MRPL38: variants seen among roughly 807,000 people sequenced by gnomAD.
MRPL38 encodes large ribosomal subunit protein mL38.
Under a neutral mutation model 52.1 loss-of-function variants are expected in MRPL38, and 51 were observed. The observed-to-expected ratio is 0.98, with a 90% CI of 0.78 to 1.24. MRPL38 has a LOEUF of 1.24. Ranked by LOEUF, MRPL38 falls within the 50% of genes most tolerant of loss-of-function variation. The probability of loss-of-function intolerance (pLI) is 0.00; values close to 1 mark genes in which losing one functional copy is unlikely to be tolerated. For missense variants in MRPL38, 527 were observed against 518.6 expected, an observed-to-expected ratio of 1.02 and a Z score of -0.16; for synonymous variants, 245 against 212.7, an observed-to-expected ratio of 1.15 and a Z score of -1.32.
intron 2 of MRPL38, among the ~76,000 whole-genome samples, chr17:75,903,574 G>C (rs965042939): frequency 6.6e-6 from 1 of 152,174 alleles, no homozygotes; most frequent in African/African-American, 2.4e-5. Flanking sequence ...GACATTATCC[G>C]AGAGGCTGAG....
chr17:75,903,035 C>A (rs2065411962), intron 2 of MRPL38, among the ~76,000 whole-genome samples: 1 of 152,168 alleles, frequency 6.6e-6, no homozygotes, highest in African/African-American at 2.4e-5. Context: ...GTTGAGATCA[C>A]CTCCAAGCCT....
rs1485156109 is a variant in MRPL38 at position 75,901,200 on chromosome 17, C to T, written c.664+1G>A. On this transcript the variant is annotated splice_donor_variant, in intron 5 of 8. Coordinates refer to ENST00000309352, the MANE Select transcript of MRPL38 (RefSeq NM_032478.4). LOFTEE classifies it high-confidence loss of function. This position sits in a 1 kb window ranked among gnomAD's most constrained non-coding sequence, Gnocchi z 5.7. ...AGGCCTGGTGAGCCCCAGACACCCACCCAAGCTAGTGAGTAGCAACGTCCA... is the reference window on the plus strand; with the variant it reads ...AGGCCTGGTGAGCCCCAGACACCCATCCAAGCTAGTGAGTAGCAACGTCCA... The T allele has an allele frequency of 1.2e-6, 2 of 1,613,376 alleles. No homozygotes were observed. The highest frequency in any genetic ancestry group is 1.7e-6 in the Non-Finnish European group (2 of 1,179,812).
rs777191605 is a variant in MRPL38 at position 75,898,807 on chromosome 17, T to C, written c.*43A>G. ...TCTGGAGCTGTGTCTTTACTCTTGC[T>C]GCCGATCAATCCCATGCTCTGAAAT... On this transcript the variant is annotated 3_prime_UTR_variant, in exon 9 of 9. Transcript: ENST00000309352. 1 of 1,608,322 alleles carries C rather than the reference T, an allele frequency of 6.2e-7. No individual in the cohort carries two copies. The highest frequency in any genetic ancestry group is 1.1e-5 in the South Asian group (1 of 90,286).
rs2065404437 is a variant in MRPL38 at position 75,901,546 on chromosome 17, C to T, written c.591+166G>A. ...ATGTGCTAAGACAGAGCCTCTTTTT[C>T]CTTCATTTTGTTCTATTTTCTTTGA... is the stretch of plus-strand genomic sequence containing the variant. On this transcript the variant is annotated intron_variant, in intron 4 of 8. Coordinates refer to ENST00000309352, the MANE Select transcript of MRPL38 (RefSeq NM_032478.4). This position sits in a 1 kb window ranked among gnomAD's most constrained non-coding sequence, Gnocchi z 5.7. The T allele has an allele frequency of 1.9e-5, 13 of 687,576 alleles. No homozygotes were observed. The highest frequency in any genetic ancestry group is 9.1e-5 in the South Asian group (5 of 55,144). 42.6% of individuals were successfully genotyped at this position (687,576 alleles called of 1,614,324 possible).
chr17:75,902,242 T>A, intron 2 of MRPL38, 88 bp from the exon 3 acceptor site: 1 of 1,382,352 alleles, frequency 7.2e-7, no homozygotes, highest in East Asian at 2.5e-5. Context: ...TAGCTGGGGC[T>A]ACAAGTGTAC....
At chr17:75,902,672 C>T (rs2065410246) in intron 2 of MRPL38, among the ~76,000 whole-genome samples, 1 of 152,228 alleles carries the variant, frequency 6.6e-6, no homozygotes, top group Non-Finnish European at 1.5e-5. Context: ...GTGCAGTCTA[C>T]TTCCCAGACC....
intron 2 of MRPL38, 167 bp from the exon 3 acceptor site, chr17:75,902,321 A>G: frequency 1.4e-6 from 1 of 740,112 alleles, no homozygotes; most frequent in South Asian, 1.9e-5. Context: ...CCAGGCTGGT[A>G]TGAACTCTTG....
rs368094656 is a variant in MRPL38 at position 75,899,614 on chromosome 17, G to C, written c.771C>G (p.Pro257=). 1.3e-4 allele frequency: 211 copies of C among 1,603,940 alleles called. 1 individual carries two copies. The highest frequency in any genetic ancestry group is 8.3e-4 in the Middle Eastern group (5 of 6,016). Residue 257 remains proline, a synonymous_variant, in exon 7 of 9, where the codon CCC becomes CCG. Coordinates refer to ENST00000309352, the MANE Select transcript of MRPL38 (RefSeq NM_032478.4). ...GGATGCCGGAGCCTCGGGCAGGGAA[G>C]GGGGGGAGGTAGGGACACGTCACCT... ...EGQVTCPYLP[P]FPARGSGIHR...
intron 2 of MRPL38, chr17:75,904,193 C>G: frequency 2.0e-6 from 1 of 512,058 alleles, no homozygotes; most frequent in East Asian, 5.6e-5. Context: ...AGGCAGCGCA[C>G]AGTCAGAATG....
At position 75,901,233 on chromosome 17, in the gene MRPL38, C is replaced by A; in HGVS notation, c.632G>T (p.Gly211Val). The change falls in exon 5 of 9, where the codon GGC becomes GTC. Residue 211 changes from glycine to valine, a missense_variant. Transcript: ENST00000309352. The surrounding 1 kb of genome is among the most constrained non-coding windows in gnomAD (Gnocchi z 5.7). Reference sequence around the variant, plus strand: ...AGTGAGTAGCAACGTCCACAAGGAGCCCTCTTCTGCCTCATAGGTCACCTC... The same window carrying A: ...AGTGAGTAGCAACGTCCACAAGGAGACCTCTTCTGCCTCATAGGTCACCTC... ...APEVTYEAEE[G>V]SLWTLLLTSL... The A allele has an allele frequency of 1.9e-6, 3 of 1,613,618 alleles. No homozygotes were observed. The highest frequency in any genetic ancestry group is 2.5e-6 in the Non-Finnish European group (3 of 1,179,848).
Position 75,904,718 on chromosome 17 carries a change from G to C in MRPL38, c.69C>G (p.Ala23=). 6.3e-7 allele frequency: 1 copy of C among 1,577,084 alleles called. No homozygotes were observed. Among genetic ancestry groups the C allele is most frequent in the South Asian group, 1.1e-5 (1 of 88,028 alleles). ...GCGGGGGTGTCCGGCGGCCCAGGAC[G>C]GCTGCGGGCAGAGAGAAGACGTAAG... ...CRRWRGFSTS[A]VLGRRTPPLG... Residue 23 remains alanine (A), a splice_region_variant and synonymous_variant, in exon 2 of 9, where the codon GCC becomes GCG. Transcript: ENST00000309352.
Position 75,898,945 on chromosome 17 carries a change from A to G in MRPL38, c.1048T>C (p.Tyr350His). ...PVFEFVRPPPYHPKQKRFPHR... is the reference protein window; with the variant it reads ...PVFEFVRPPPHHPKQKRFPHR... ...GGGAAGCGCTTCTGCTTGGGGTGGT[A>G]AGGGGGCGGCCGCACGAACTCAAAC... The change falls in exon 9 of 9, where the codon TAC (tyrosine) becomes CAC (histidine). Residue 350 changes from tyrosine (Y) to histidine (H), a missense_variant. Tyr to His is a moderately conservative substitution (Grantham distance 83). Transcript: ENST00000309352. 6.2e-7 allele frequency: 1 copy of G among 1,607,794 alleles called. No individual in the cohort carries two copies. Among genetic ancestry groups the G allele is most frequent in the Non-Finnish European group, 8.5e-7 (1 of 1,178,334 alleles).
chr17:75,901,434 TG>T lies in MRPL38; in HGVS notation c.592-162del. 1 of 755,624 alleles carries T rather than the reference TG, an allele frequency of 1.3e-6. No homozygotes were observed. The highest frequency in any genetic ancestry group is 1.8e-5 in the African/African-American group (1 of 57,028). The allele number at this position is 755,624 out of a possible 1,614,324, so 46.8% of individuals were successfully genotyped here. On this transcript the variant is annotated intron_variant, in intron 4 of 8. Transcript: ENST00000309352. This position sits in a 1 kb window ranked among gnomAD's most constrained non-coding sequence, Gnocchi z 5.7. ...GCGTAGAGAAGCAGCCCTGCAGAGT[TG>T]CCTGTCCAGGCAACAACCACAAAAA...
chr17:75,899,734 C>T lies in MRPL38; in HGVS notation c.711-60G>A. The T allele has an allele frequency of 1.4e-6, 2 of 1,396,792 alleles. 1 individual carries two copies. The highest frequency in any genetic ancestry group is 3.0e-5 in the South Asian group (2 of 65,714). The allele number at this position is 1,396,792 out of a possible 1,614,324, so 86.5% of individuals were successfully genotyped here. On this transcript the variant is annotated intron_variant, in intron 6 of 8. Transcript: ENST00000309352. ...CAGGGAGGCAGCAGGAGTGTCCCCT[C>T]AGCTCCATGCACACCCTAGAGGCTG...
intron 6 of MRPL38, 124 bp from the exon 7 acceptor site, chr17:75,899,798 C>A: frequency 1.2e-6 from 1 of 835,632 alleles, no homozygotes; most frequent in South Asian, 3.7e-5. Context: ...GCATCTCTCT[C>A]CTGGGACAGA....
intron 2 of MRPL38, chr17:75,904,234 T>C (rs1343892495): frequency 3.5e-6 from 2 of 568,012 alleles, no homozygotes; most frequent in South Asian, 1.5e-5. Flanking sequence ...ACAGAGTATT[T>C]GAGGCGCACA....
At chr17:75,902,255 C>A in intron 2 of MRPL38, 101 bp from the exon 3 acceptor site, 2 of 1,299,730 alleles carry the variant, frequency 1.5e-6, no homozygotes, top group South Asian at 2.9e-5. Context: ...AAGTGTACAC[C>A]ATCTCATCTG....
At chr17:75,900,466 T>TTA (rs1406177042) in intron 6 of MRPL38, 1 of 154,078 alleles carries the variant, frequency 6.5e-6, no homozygotes, top group Non-Finnish European at 1.4e-5. Flanking sequence ...TGGCTCACGC[T>TTA]TATAATCCTA....
At chr17:75,902,724 G>A (rs531835287) in intron 2 of MRPL38, among the ~76,000 whole-genome samples, 3 of 152,172 alleles carry the variant, frequency 2.0e-5, no homozygotes, top group Admixed American at 6.6e-5. Flanking sequence ...TACAACTTGA[G>A]GTTGTGTTTT....
Sources: allele counts gnomAD v4.1 joint callset (sites outside exome capture counted in the v4.1 genomes callset), GRCh38; gene constraint gnomAD v4.1.1; non-coding constraint Gnocchi (gnomAD v3.1); transcripts MANE v1.5; gene names NCBI Gene and HGNC (gene_info 2026-07-23, HGNC 2026-07-21).